The following ZNF800 variants were observed in gnomAD, a reference collection of about 807,000 sequenced individuals.
ZNF800 encodes the protein zinc finger protein 800.
In ZNF800, 13 loss-of-function variants were observed where a neutral mutation model predicts 59.5. The observed-to-expected ratio is 0.22, with a 90% CI of 0.14 to 0.35. ZNF800 has a LOEUF of 0.35. Among genes scored for constraint, ZNF800 ranks in the 10% least tolerant of loss-of-function variants. ZNF800 has a pLI of 1.00. For missense variants in ZNF800, 621 were observed against 783.7 expected (o/e 0.79, Z 2.48); for synonymous variants, 266 against 265.7 (o/e 1.00, Z -0.01).
At chr7:127,390,810 T>G (rs1167281554) in intron 2 of ZNF800, among the ~76,000 whole-genome samples, 2 of 152,126 alleles carry the variant, frequency 1.3e-5, no homozygotes, top group African/African-American at 4.8e-5. Flanking sequence ...TATATCAAGT[T>G]TATCAAATTA....
At chr7:127,387,368 G>C (rs753272078) in intron 2 of ZNF800, among the ~76,000 whole-genome samples, 14 of 152,200 alleles carry the variant, frequency 9.2e-5, no homozygotes, top group Non-Finnish European at 2.1e-4. Context: ...TCAACAATGT[G>C]TGCTACTCTT....
At chr7:127,389,353 C>T (rs1801236486) in intron 2 of ZNF800, among the ~76,000 whole-genome samples, 1 of 152,078 alleles carries the variant, frequency 6.6e-6, no homozygotes, top group Admixed American at 6.5e-5. Flanking sequence ...ACATACACTG[C>T]CAGAGTTATA....
chr7:127,385,550 T>C (rs1039882167), intron 3 of ZNF800, among the ~76,000 whole-genome samples: 2 of 152,182 alleles, frequency 1.3e-5, no homozygotes, highest in South Asian at 2.1e-4. Context: ...GCTGGAATAT[T>C]GTCTTTCTTC....
At chr7:127,357,138 T>C (rs574472826) in intron 1 of ZNF800, among the ~76,000 whole-genome samples, 3 of 152,132 alleles carry the variant, frequency 2.0e-5, no homozygotes, top group Non-Finnish European at 4.4e-5. Context: ...TGGTGGTAAA[T>C]AGGCTGCTTC....
At chr7:127,385,092 T>C (rs1801098304) in intron 3 of ZNF800, among the ~76,000 whole-genome samples, 1 of 152,250 alleles carries the variant, frequency 6.6e-6, no homozygotes, top group African/African-American at 2.4e-5. Flanking sequence ...AGCAAATATA[T>C]GATTTCCCCG....
intron 1 of ZNF800, chr7:127,351,282 T>C (rs558061520): frequency 9.2e-5 from 14 of 152,374 alleles, no homozygotes; most frequent in African/African-American, 3.1e-4. Context: ...ATTCAAATCC[T>C]GTCCATCTCT....
Position 127,375,043 on chromosome 7 carries a change from G to T in ZNF800, c.302-9C>A. On this transcript the variant is annotated splice_polypyrimidine_tract_variant and intron_variant, in intron 4 of 5. Transcript: ENST00000265827. ...ATTTACATCAGGAAGGTCTGTTAAGGAAAAAACAACATTTTAATCTGAAGT... is the reference window on the plus strand; with the variant it reads ...ATTTACATCAGGAAGGTCTGTTAAGTAAAAAACAACATTTTAATCTGAAGT... The T allele has an allele frequency of 6.5e-7, 1 of 1,528,362 alleles. No homozygotes were observed. The highest frequency in any genetic ancestry group is 1.3e-5 in the South Asian group (1 of 76,282). 94.7% of individuals were successfully genotyped at this position (1,528,362 alleles called of 1,614,324 possible). A position where few individuals can be genotyped will look rare whatever the true frequency, so the allele number is the denominator to read the frequency against.
rs1800686906 is a variant in ZNF800 at position 127,373,373 on chromosome 7, C to G, written c.1963G>C (p.Gly655Arg). Residue 655 changes from glycine to arginine, a missense_variant, in exon 5 of 6, where the codon GGC becomes CGC. By Grantham distance (125) the Gly-to-Arg change is moderately radical (BLOSUM62 -2). Transcript: ENST00000265827. Reference sequence around the variant, plus strand: ...AGAGCCTTAGATCTTGTACTTCGGCCTTTGGTTTTGTTTCCTTCAGGTGAA... The same window carrying G: ...AGAGCCTTAGATCTTGTACTTCGGCGTTTGGTTTTGTTTCCTTCAGGTGAA... ...SNSPEGNKTK[G>R]RSTRSKALV 6.2e-7 allele frequency: 1 copy of G among 1,608,026 alleles called. No homozygotes were observed. The highest frequency in any genetic ancestry group is 1.1e-5 in the South Asian group (1 of 90,378).
chr7:127,362,174 A>T (rs1186346842), intron 1 of ZNF800: 1 of 152,116 alleles, frequency 6.6e-6, no homozygotes, highest in African/African-American at 2.4e-5. Flanking sequence ...CCCAAAAATA[A>T]TATTTAGACC....
chr7:127,362,366 G>C (rs1800411086), intron 1 of ZNF800: 1 of 152,060 alleles, frequency 6.6e-6, no homozygotes. Context: ...GTAGTAAGTT[G>C]TTCACTCTCA....
In ZNF800 at chr7:127,370,555, T is replaced by C. The variant is rs1025282443; in HGVS notation, c.*1259A>G. On this transcript the variant is annotated 3_prime_UTR_variant, in exon 6 of 6. Coordinates refer to ENST00000265827, the MANE Select transcript of ZNF800 (RefSeq NM_176814.5). ...CATTTTATTAAGACCTTGTGGATCTTTAACATTTTAAAATTTTATACAAAA... is the reference window on the plus strand; with the variant it reads ...CATTTTATTAAGACCTTGTGGATCTCTAACATTTTAAAATTTTATACAAAA... The C allele has an allele frequency of 1.3e-5, 2 of 152,552 alleles. No homozygotes were observed. The highest frequency in any genetic ancestry group is 2.9e-5 in the Non-Finnish European group (2 of 67,976). The allele number at this position is 152,552 out of a possible 1,614,324, so 9.4% of individuals were successfully genotyped here.
At chr7:127,382,360 T>C (rs1243630956) in intron 3 of ZNF800, among the ~76,000 whole-genome samples, 2 of 152,218 alleles carry the variant, frequency 1.3e-5, no homozygotes, top group Admixed American at 1.3e-4. Flanking sequence ...ACATAAAAGA[T>C]ATTTAATAAA....
chr7:127,371,963 C>T (rs1800643391), intron 5 of ZNF800, 149 bp from the exon 6 acceptor site: 2 of 583,764 alleles, frequency 3.4e-6, no homozygotes, highest in Non-Finnish European at 6.1e-6. Flanking sequence ...CAAACCACAA[C>T]ATTTAACCCT....
chr7:127,347,881 G>A (rs1800096877), exon 2 of ZNF800: 2 of 150,526 alleles, frequency 1.3e-5, no homozygotes, highest in African/African-American at 4.8e-5. Context: ...GCTTCCCCAG[G>A]CCCCGGGCAG....
In ZNF800 at chr7:127,392,292, G is replaced by GCGGCTCACGGCGT; in HGVS notation, c.-304_-292dup. 2.6e-6 allele frequency: 1 copy of GCGGCTCACGGCGT among 389,640 alleles called. No individual in the cohort carries two copies. Among genetic ancestry groups the GCGGCTCACGGCGT allele is most frequent in the Non-Finnish European group, 4.5e-6 (1 of 220,142 alleles). The allele number at this position is 389,640 out of a possible 1,614,324, so 24.1% of individuals were successfully genotyped here. ...TCCGCGGGCCGAGACGACTGCGGCG[G>GCGGCTCACGGCGT]CGGCTCACGGCGTCCTCCGCGCTGT... On this transcript the variant is annotated 5_prime_UTR_variant, in exon 1 of 6. Coordinates refer to ENST00000265827, the MANE Select transcript of ZNF800 (RefSeq NM_176814.5).
rs938016581 is a variant in ZNF800, at chr7:127,373,595, C to T, written c.1741G>A (p.Glu581Lys). 1.2e-6 allele frequency: 2 copies of T among 1,614,058 alleles called. No homozygotes were observed. Among genetic ancestry groups the T allele is most frequent in the Admixed American group, 3.3e-5 (2 of 59,994 alleles). Residue 581 changes from glutamate (E) to lysine (K), a missense_variant, in exon 5 of 6, where the codon GAA becomes AAA. Around this residue, in one of 7 missense-constraint regions of ZNF800, gnomAD observed 94 missense variants for 108.5 expected, o/e 0.87. Coordinates refer to ENST00000265827, the MANE Select transcript of ZNF800 (RefSeq NM_176814.5). ...TGTTTTGAATCACTATGTTTTGCTT[C>T]ATCCCTCGAAGGGCCTCTTTTTGCC... Reference protein sequence around the residue: ...KVAKRGPSRDEAKHSDSKHDG... With the variant: ...KVAKRGPSRDKAKHSDSKHDG...
downstream of ZNF800, among the ~76,000 whole-genome samples, chr7:127,344,156 C>T (rs935852691): frequency 6.6e-6 from 1 of 151,804 alleles, no homozygotes; most frequent in Non-Finnish European, 1.5e-5. Context: ...GAATGATTGG[C>T]TACTTAGAAG....
chr7:127,343,551 C>T (rs1800005440), downstream of ZNF800, among the ~76,000 whole-genome samples: 2 of 151,926 alleles, frequency 1.3e-5, no homozygotes, highest in Non-Finnish European at 2.9e-5. Flanking sequence ...TCTACTCATC[C>T]TCCCTTAAAG....
chr7:127,386,547 A>C (rs531753527), intron 2 of ZNF800, among the ~76,000 whole-genome samples: 1 of 152,364 alleles, frequency 6.6e-6, no homozygotes, highest in African/African-American at 2.4e-5. Flanking sequence ...GCCACGCTTC[A>C]TAAACCATTC....
Sources: allele counts gnomAD v4.1 joint callset (sites outside exome capture counted in the v4.1 genomes callset), GRCh38; gene constraint gnomAD v4.1.1; regional missense constraint gnomAD v4.1.1; transcripts MANE v1.5; gene names NCBI Gene and HGNC (gene_info 2026-07-23, HGNC 2026-07-21).